Variants in TMEM163 observed in about 807,000 individuals in gnomAD.
The protein encoded by TMEM163 is transmembrane protein 163.
In TMEM163, 17 loss-of-function variants were observed where a neutral mutation model predicts 29.3. The observed-to-expected ratio is 0.58, with a 90% confidence interval of 0.40 to 0.87. The LOEUF is 0.87. Ranked by LOEUF, TMEM163 falls within the 40% of genes least tolerant of loss-of-function variation. The probability of loss-of-function intolerance (pLI) is 0.00; values close to 1 mark genes in which losing one functional copy is unlikely to be tolerated. For synonymous variants in TMEM163, 157 were observed against 160.6 expected (o/e 0.98, Z 0.17); for missense variants, 303 against 381.5 (o/e 0.79, Z 1.71).
At chr2:134,714,321 G>A (rs1684993170) in intron 1 of TMEM163, among the ~76,000 whole-genome samples, 1 of 152,192 alleles carries the variant, frequency 6.6e-6, no homozygotes, top group Admixed American at 6.5e-5. Flanking sequence ...AACTTTCAGA[G>A]GTTGAGCAGC....
chr2:134,716,849 A>C (rs1188805680), intron 1 of TMEM163, among the ~76,000 whole-genome samples: 1 of 152,234 alleles, frequency 6.6e-6, no homozygotes, highest in Non-Finnish European at 1.5e-5. Flanking sequence ...CATCAGGAAG[A>C]GGTCAAACAA....
In TMEM163 at chr2:134,695,913, G is replaced by C. The variant is rs185603939; in HGVS notation, c.322+17287C>G. Among the ~76,000 whole-genome samples, 383 of 152,138 alleles carry C rather than the reference G, an allele frequency of 2.5e-3. 1 individual carries two copies. Among genetic ancestry groups the C allele is most frequent in the Middle Eastern group, 6.8e-3 (2 of 294 alleles). ...TAAAAATACAAAAAATTAGCCAGGC[G>C]TGGTGGTGGGTGCCTGTAATCCCAG... is the stretch of plus-strand genomic sequence containing the variant. On this transcript the variant is annotated intron_variant, in intron 2 of 7. Transcript: ENST00000281924.
chr2:134,489,960 G>A (rs541542125), intron 5 of TMEM163, among the ~76,000 whole-genome samples: 68 of 152,266 alleles, frequency 4.5e-4, no homozygotes, highest in African/African-American at 1.6e-3. Context: ...CCAGCTTACC[G>A]CCTGCTACAG....
chr2:134,585,698 C>G (rs542961465), intron 2 of TMEM163, among the ~76,000 whole-genome samples: 1 of 150,824 alleles, frequency 6.6e-6, no homozygotes, highest in East Asian at 2.0e-4. Flanking sequence ...GTCTAGATCG[C>G]GCCACTGCAC....
chr2:134,519,579 G>A (rs1680147552), intron 4 of TMEM163, among the ~76,000 whole-genome samples: 1 of 152,052 alleles, frequency 6.6e-6, no homozygotes, highest in Non-Finnish European at 1.5e-5. Context: ...GGGCGTGGTG[G>A]GGGGTGCCTG....
intron 2 of TMEM163, among the ~76,000 whole-genome samples, chr2:134,586,422 G>A (rs1406429765): frequency 1.3e-5 from 2 of 152,190 alleles, no homozygotes; most frequent in Non-Finnish European, 2.9e-5. Flanking sequence ...GGCTTCTGCT[G>A]CATCACGCTG....
At chr2:134,522,906 T>C (rs1453596912) in intron 4 of TMEM163, among the ~76,000 whole-genome samples, 2 of 152,202 alleles carry the variant, frequency 1.3e-5, no homozygotes, top group Non-Finnish European at 2.9e-5. Flanking sequence ...AAAAATGCCG[T>C]GTGGCTTTGA....
chr2:134,466,443 A>T, intron 5 of TMEM163: 1 of 529,266 alleles, frequency 1.9e-6, no homozygotes. Context: ...TATTTACTTA[A>T]AAAACCATTA....
chr2:134,476,779 G>T (rs987336322), intron 5 of TMEM163, among the ~76,000 whole-genome samples: 8 of 152,124 alleles, frequency 5.3e-5, no homozygotes, highest in Admixed American at 5.2e-4. Flanking sequence ...GACATCTCAA[G>T]TGTTTTATCC....
chr2:134,716,087 G>A (rs1388859938), intron 1 of TMEM163, among the ~76,000 whole-genome samples: 1 of 152,168 alleles, frequency 6.6e-6, no homozygotes, highest in Non-Finnish European at 1.5e-5. Context: ...TGAAGAAAGG[G>A]AAATTTTGTT....
intron 2 of TMEM163, among the ~76,000 whole-genome samples, chr2:134,646,359 A>G (rs1219968391): frequency 1.3e-5 from 2 of 152,202 alleles, no homozygotes; most frequent in Non-Finnish European, 2.9e-5. Flanking sequence ...TGCTGGGATT[A>G]CAGGCATGAG....
intron 2 of TMEM163, among the ~76,000 whole-genome samples, chr2:134,604,908 G>A (rs1017436400): frequency 7.2e-5 from 11 of 152,104 alleles, no homozygotes; most frequent in South Asian, 2.1e-4. Context: ...GGCCAGGTGC[G>A]GTGGCTCACA....
intron 2 of TMEM163, among the ~76,000 whole-genome samples, chr2:134,707,971 T>C (rs1174101970): frequency 6.7e-6 from 1 of 149,380 alleles, no homozygotes; most frequent in African/African-American, 2.5e-5. Context: ...TCACTGCAAC[T>C]CTGCCTCCTG....
intron 5 of TMEM163, among the ~76,000 whole-genome samples, chr2:134,478,646 CTTAAAA>C (rs1574162266): frequency 2.6e-5 from 4 of 152,146 alleles, no homozygotes; most frequent in East Asian, 3.9e-4. Context: ...TAAAGCTGAA[CTTAAAA>C]TTAAAAGGGA....
chr2:134,606,185 T>C (rs1403174823), intron 2 of TMEM163, among the ~76,000 whole-genome samples: 15 of 152,058 alleles, frequency 9.9e-5, no homozygotes, highest in Non-Finnish European at 1.9e-4. Context: ...GTAATGTCTT[T>C]CTCTGACACC....
chr2:134,497,917 A>T (rs150059761), intron 5 of TMEM163, among the ~76,000 whole-genome samples: 1 of 152,312 alleles, frequency 6.6e-6, no homozygotes, highest in African/African-American at 2.4e-5. Context: ...ACAACTGGAC[A>T]TGTTGAGATG....
chr2:134,685,557 T>C (rs1354152162), intron 2 of TMEM163, among the ~76,000 whole-genome samples: 2 of 152,234 alleles, frequency 1.3e-5, no homozygotes, highest in African/African-American at 2.4e-5. Context: ...ATTTGAGTTA[T>C]AAAATAAGGT....
At chr2:134,563,168 C>T (rs1435409151) in intron 2 of TMEM163, among the ~76,000 whole-genome samples, 1 of 152,236 alleles carries the variant, frequency 6.6e-6, no homozygotes, top group African/African-American at 2.4e-5. Flanking sequence ...AAGAATCAGA[C>T]ACCACCATTC....
At chr2:134,687,948 T>G (rs1279254097) in intron 2 of TMEM163, among the ~76,000 whole-genome samples, 2 of 152,088 alleles carry the variant, frequency 1.3e-5, no homozygotes, top group African/African-American at 4.8e-5. Flanking sequence ...TTCAGCTGAC[T>G]GGAAGACTGG....
Sources: gnomAD v4.1 joint callset for allele counts (sites outside exome capture counted in the v4.1 genomes callset) on GRCh38, gnomAD v4.1.1 for gene constraint, MANE v1.5 for transcripts, NCBI Gene and HGNC (gene_info 2026-07-23, HGNC 2026-07-21) for gene names.